Variants in FBXW7 observed in about 807,000 individuals in gnomAD.
FBXW7 encodes F-box and WD repeat domain containing 7.
FBXW7 carries 11 observed loss-of-function variants against 86.3 expected under a neutral mutation model. That is an observed-to-expected ratio of 0.13 (90% CI 0.08 to 0.21). FBXW7 has a LOEUF of 0.21. Among genes scored for constraint, FBXW7 ranks in the 10% least tolerant of loss-of-function variants. The pLI, the probability that FBXW7 is intolerant of heterozygous loss-of-function variation, is 1.00. For missense variants in FBXW7, 488 were observed against 847.4 expected, an observed-to-expected ratio of 0.58 and a Z score of 5.27; for synonymous variants, 313 against 297.9, an observed-to-expected ratio of 1.05 and a Z score of -0.52.
chr4:152,450,415 A>C (rs1741807378), intron 2 of FBXW7, among the ~76,000 whole-genome samples: 1 of 152,202 alleles, frequency 6.6e-6, no homozygotes. Flanking sequence ...GTAGAATCTG[A>C]AGTACTATCA....
intron 2 of FBXW7, among the ~76,000 whole-genome samples, 184 bp downstream of exon 2, chr4:152,534,757 T>C (rs2149755650): frequency 6.6e-6 from 1 of 152,258 alleles, no homozygotes; most frequent in Non-Finnish European, 1.5e-5. Context: ...GCATTACTCG[T>C]ACAAAGAGCT....
intron 2 of FBXW7, among the ~76,000 whole-genome samples, chr4:152,430,707 G>A (rs1739810401): frequency 6.6e-6 from 1 of 152,068 alleles, no homozygotes; most frequent in Non-Finnish European, 1.5e-5. Flanking sequence ...GAACATTAGA[G>A]GGAAGAAACC....
intron 2 of FBXW7, among the ~76,000 whole-genome samples, chr4:152,516,409 C>T (rs1748502823): frequency 6.6e-6 from 1 of 152,182 alleles, no homozygotes. Context: ...CTTAAGAGAA[C>T]CTAATGCCTG....
chr4:152,465,843 CAAAA>C (rs33966110), intron 2 of FBXW7, among the ~76,000 whole-genome samples: 2 of 117,244 alleles, frequency 1.7e-5, no homozygotes. Context: ...GACTCTTTCT[CAAAA>C]AAAAAAAAAA....
rs1338572863 is a variant in FBXW7 at position 152,395,711 on chromosome 4, CA to C, written c.501+15591del. On this transcript the variant is annotated intron_variant, in intron 4 of 13. Transcript: ENST00000281708. ...CCCATTAATGGATCAGCACTGGAGGCAAACTATCGTAATTTTGCAATGGGTG... is the reference window on the plus strand; with the variant it reads ...CCCATTAATGGATCAGCACTGGAGGCAACTATCGTAATTTTGCAATGGGTG... Among the ~76,000 whole-genome samples the C allele has an allele frequency of 2.0e-5, 3 of 152,144 alleles. No individual in the cohort carries two copies. In the East Asian group the frequency reaches 5.8e-4, roughly 29 times the overall value.
chr4:152,470,671 C>A (rs1051626383), intron 2 of FBXW7, among the ~76,000 whole-genome samples: 3 of 152,018 alleles, frequency 2.0e-5, no homozygotes, highest in African/African-American at 7.2e-5. Context: ...AAATCCTTTG[C>A]ATCAAGTCGA....
At chr4:152,446,935 T>C (rs546709154) in intron 2 of FBXW7, among the ~76,000 whole-genome samples, 14 of 152,350 alleles carry the variant, frequency 9.2e-5, no homozygotes, top group Admixed American at 7.2e-4. Context: ...GAAGGGTTTT[T>C]TTCTTGGAAG....
intron 8 of FBXW7, among the ~76,000 whole-genome samples, chr4:152,332,051 AT>A (rs1443327249): frequency 6.6e-6 from 1 of 151,992 alleles, no homozygotes; most frequent in Non-Finnish European, 1.5e-5. Flanking sequence ...GGCACATAGT[AT>A]TTTTATATTT....
chr4:152,367,125 G>T (rs367769848), intron 4 of FBXW7, among the ~76,000 whole-genome samples: 1 of 152,094 alleles, frequency 6.6e-6, no homozygotes, highest in African/African-American at 2.4e-5. Flanking sequence ...GGGGCCTGTC[G>T]TGGGGTTGAG....
chr4:152,398,003 T>C (rs1345984877), intron 4 of FBXW7, among the ~76,000 whole-genome samples: 1 of 151,968 alleles, frequency 6.6e-6, no homozygotes, highest in African/African-American at 2.4e-5. Flanking sequence ...CACATACATT[T>C]ATCCCAAGAT....
intron 4 of FBXW7, among the ~76,000 whole-genome samples, chr4:152,351,786 A>C (rs949059722): frequency 6.6e-6 from 1 of 152,148 alleles, no homozygotes; most frequent in Non-Finnish European, 1.5e-5. Context: ...ACCTTGTAAA[A>C]AACATTGGTG....
intron 2 of FBXW7, among the ~76,000 whole-genome samples, chr4:152,489,167 G>A (rs907079589): frequency 6.6e-6 from 1 of 152,050 alleles, no homozygotes; most frequent in Non-Finnish European, 1.5e-5. Flanking sequence ...TAAGGCTCAA[G>A]GGTATCATGT....
chr4:152,332,187 C>G (rs187455773), intron 8 of FBXW7, among the ~76,000 whole-genome samples: 29 of 152,216 alleles, frequency 1.9e-4, no homozygotes, highest in Non-Finnish European at 3.4e-4. Flanking sequence ...AACATAAGCT[C>G]CATGACAAAA....
At chr4:152,515,257 T>C (rs1025815032) in intron 2 of FBXW7, among the ~76,000 whole-genome samples, 2 of 152,184 alleles carry the variant, frequency 1.3e-5, no homozygotes, top group Non-Finnish European at 2.9e-5. Flanking sequence ...TTTTCCTCAC[T>C]GTTTAAAATA....
intron 4 of FBXW7, among the ~76,000 whole-genome samples, chr4:152,371,679 A>T (rs1734018343): frequency 6.6e-6 from 1 of 152,036 alleles, no homozygotes; most frequent in African/African-American, 2.4e-5. Flanking sequence ...GTTGGCACAA[A>T]CTGCCTCTTG....
intron 2 of FBXW7, among the ~76,000 whole-genome samples, chr4:152,488,983 C>A (rs934997478): frequency 1.3e-5 from 2 of 151,876 alleles, no homozygotes; most frequent in African/African-American, 4.8e-5. Context: ...ATATTAACTA[C>A]TAAATATAAT....
intron 4 of FBXW7, among the ~76,000 whole-genome samples, chr4:152,377,097 TA>T (rs1734615312): frequency 1.3e-5 from 2 of 152,112 alleles, no homozygotes; most frequent in Non-Finnish European, 2.9e-5. Context: ...TACAAAATAC[TA>T]ATAGTTGAAA....
rs1057488851 is a variant in FBXW7, at chr4:152,396,923, G to A, written c.501+14380C>T. 5.3e-5 allele frequency among the ~76,000 whole-genome samples: 8 copies of A among 151,422 alleles called. No individual in the cohort carries two copies. In the South Asian group the frequency reaches 1.3e-3, roughly 24 times the overall value. On this transcript the variant is annotated intron_variant, in intron 4 of 13. Transcript: ENST00000281708. ...CAATATTCAAGAGGACTAACATCTC[G>A]GTAAAATTTAGAACTAAAGATCAAA...
chr4:152,369,021 A>T (rs1733745227), intron 4 of FBXW7, among the ~76,000 whole-genome samples: 1 of 152,114 alleles, frequency 6.6e-6, no homozygotes. Flanking sequence ...GTCACTCAGG[A>T]AACTGTTTAA....
Sources: allele counts gnomAD v4.1 joint callset (sites outside exome capture counted in the v4.1 genomes callset), GRCh38; gene constraint gnomAD v4.1.1; transcripts MANE v1.5; gene names NCBI Gene and HGNC (gene_info 2026-07-23, HGNC 2026-07-21).